Variants in ARHGAP44 observed in about 807,000 individuals in gnomAD.
The protein encoded by ARHGAP44 is Rho GTPase activating protein 44, also known as rho GTPase-activating protein 44.
ARHGAP44 carries 43 observed loss-of-function variants against 106.8 expected under a neutral mutation model. The ratio of observed to expected loss-of-function variants is 0.40; its 90% CI spans 0.32 to 0.52. The LOEUF (loss-of-function observed/expected upper bound fraction) is 0.52, where lower values mean the gene tolerates loss of function less well. ARHGAP44 is among the 20% of genes least tolerant of loss of function. The probability of loss-of-function intolerance (pLI) is 0.48; values close to 1 mark genes in which losing one functional copy is unlikely to be tolerated. For synonymous variants in ARHGAP44, 439 were observed against 410.3 expected (o/e 1.07, Z -0.85); for missense variants, 866 against 1,050.5 (o/e 0.82, Z 2.43).
chr17:12,801,361 A>C (rs1015743426), intron 1 of ARHGAP44, among the ~76,000 whole-genome samples: 2 of 152,228 alleles, frequency 1.3e-5, no homozygotes, highest in Non-Finnish European at 2.9e-5. Context: ...TTATCCTCCC[A>C]ACAACTCTTA....
intron 13 of ARHGAP44, among the ~76,000 whole-genome samples, chr17:12,954,806 T>C (rs1161725057): frequency 6.6e-6 from 1 of 152,202 alleles, no homozygotes; most frequent in Non-Finnish European, 1.5e-5. Flanking sequence ...CTTCATTGTA[T>C]TTGTTTTATT....
intron 1 of ARHGAP44, among the ~76,000 whole-genome samples, chr17:12,807,338 A>G (rs1224919600): frequency 6.6e-6 from 1 of 152,214 alleles, no homozygotes; most frequent in East Asian, 1.9e-4. Context: ...GTGATCACCC[A>G]GCATCCAGAG....
intron 1 of ARHGAP44, among the ~76,000 whole-genome samples, chr17:12,852,569 T>C (rs2035784704): frequency 1.3e-5 from 2 of 149,702 alleles, no homozygotes; most frequent in Admixed American, 1.3e-4. Flanking sequence ...TTTGATGGCA[T>C]CTTGCTCTGT....
chr17:12,973,402 G>A, intron 17 of ARHGAP44, 83 bp downstream of exon 17: 3 of 1,432,844 alleles, frequency 2.1e-6, no homozygotes, highest in Non-Finnish European at 2.9e-6. Context: ...TTCCACCAGA[G>A]GGTGAATGCG....
At chr17:12,812,978 G>A (rs144990338) in intron 1 of ARHGAP44, among the ~76,000 whole-genome samples, 14 of 152,256 alleles carry the variant, frequency 9.2e-5, no homozygotes, top group African/African-American at 3.1e-4. Flanking sequence ...CTCAGCAATG[G>A]CAGGTCCCAT....
At chr17:12,965,344 G>A (rs1268035079) in intron 16 of ARHGAP44, among the ~76,000 whole-genome samples, 3 of 152,170 alleles carry the variant, frequency 2.0e-5, no homozygotes, top group African/African-American at 4.8e-5. Flanking sequence ...ACAGCAACCC[G>A]AATGGTCTAT....
chr17:12,934,362 A>T (rs1274722254), intron 7 of ARHGAP44, among the ~76,000 whole-genome samples: 1 of 152,222 alleles, frequency 6.6e-6, no homozygotes, highest in African/African-American at 2.4e-5. Context: ...TGAAGAGCAC[A>T]TATATTGTTA....
At chr17:12,880,847 A>G (rs1406106414) in intron 1 of ARHGAP44, among the ~76,000 whole-genome samples, 2 of 152,154 alleles carry the variant, frequency 1.3e-5, no homozygotes, top group African/African-American at 2.4e-5. Context: ...AATGCTTTTA[A>G]CAAGTTATCC....
chr17:12,895,177 C>G (rs895685912), intron 2 of ARHGAP44, among the ~76,000 whole-genome samples, 198 bp downstream of exon 2: 1 of 141,666 alleles, frequency 7.1e-6, no homozygotes, highest in Non-Finnish European at 1.6e-5. Context: ...ACCAAAAAAA[C>G]CAAAAAACTA....
At chr17:12,791,618 A>G (rs866494235) in intron 1 of ARHGAP44, among the ~76,000 whole-genome samples, 50 of 152,070 alleles carry the variant, frequency 3.3e-4, no homozygotes, top group African/African-American at 1.1e-3. Context: ...CTGTTTTTAA[A>G]TGGGGGAGAT....
At chr17:12,918,285 C>T (rs955480488) in intron 5 of ARHGAP44, among the ~76,000 whole-genome samples, 5 of 152,162 alleles carry the variant, frequency 3.3e-5, no homozygotes, top group South Asian at 2.1e-4. Context: ...AGTTGTTACA[C>T]GCAGAACATT....
chr17:12,821,767 C>G (rs1021757407), intron 1 of ARHGAP44, among the ~76,000 whole-genome samples: 17 of 152,078 alleles, frequency 1.1e-4, no homozygotes, highest in Admixed American at 2.0e-4. Context: ...ATGTGAATCA[C>G]GGTTTTTAAA....
rs1429713502 is a variant in ARHGAP44 at position 12,981,798 on chromosome 17, C to G, written c.1939+1565C>G. Among the ~76,000 whole-genome samples, 3 of 151,408 alleles carry G rather than the reference C, an allele frequency of 2.0e-5. No individual in the cohort carries two copies. The East Asian group carries it at 6.0e-4, about 30-fold the overall frequency. On this transcript the variant is annotated intron_variant, in intron 19 of 20. Coordinates refer to ENST00000379672, the MANE Select transcript of ARHGAP44 (RefSeq NM_014859.6). ...GGCTGAGATGGGCAGATTGCCTGAG[C>G]TCAGGAGTTTGAGACCAGACTGGAC...
intron 16 of ARHGAP44, among the ~76,000 whole-genome samples, chr17:12,963,649 A>G (rs1321842455): frequency 1.3e-5 from 2 of 152,016 alleles, no homozygotes; most frequent in Non-Finnish European, 2.9e-5. Context: ...GTGTGTGTAG[A>G]CAGGTCGGCC....
At chr17:12,814,173 G>T (rs1049948859) in intron 1 of ARHGAP44, among the ~76,000 whole-genome samples, 11 of 151,356 alleles carry the variant, frequency 7.3e-5, no homozygotes, top group African/African-American at 2.7e-4. Flanking sequence ...TCCTTGGGTG[G>T]TGGGGGGCCT....
At chr17:12,855,244 TAATA>T (rs1234816432) in intron 1 of ARHGAP44, among the ~76,000 whole-genome samples, 1 of 152,000 alleles carries the variant, frequency 6.6e-6, no homozygotes, top group Non-Finnish European at 1.5e-5. Context: ...TCTCTAAAGA[TAATA>T]AATAAATAAA....
rs772220647 is a variant in ARHGAP44, at chr17:12,984,789, G to A, written c.2198G>A (p.Arg733Gln). ...AAATCGCGGCCCACTCCTAAGCCGC[G>A]ACAGAGACCTACTCTGCCGCCTCCT... is the stretch of plus-strand genomic sequence containing the variant. ...LSKSRPTPKPRQRPTLPPPQP... is the reference protein window; with the variant it reads ...LSKSRPTPKPQQRPTLPPPQP... Residue 733 changes from arginine to glutamine, a missense_variant, in exon 20 of 21, where the codon CGA becomes CAA. Coordinates refer to ENST00000379672, the MANE Select transcript of ARHGAP44 (RefSeq NM_014859.6). 3.7e-6 allele frequency: 6 copies of A among 1,613,854 alleles called. No homozygotes were observed. In the Admixed American group the frequency reaches 6.7e-5, roughly 18 times the overall value.
At chr17:12,806,444 A>C (rs1336497939) in intron 1 of ARHGAP44, among the ~76,000 whole-genome samples, 1 of 152,222 alleles carries the variant, frequency 6.6e-6, no homozygotes, top group East Asian at 1.9e-4. Flanking sequence ...TATTATACAA[A>C]CTGGGGCCAT....
At chr17:12,920,244 C>T (rs1371590012) in intron 6 of ARHGAP44, among the ~76,000 whole-genome samples, 5 of 150,390 alleles carry the variant, frequency 3.3e-5, no homozygotes, top group Admixed American at 1.3e-4. Context: ...GGCATGGTGG[C>T]GGGTGCCTGT....
Sources: allele counts gnomAD v4.1 joint callset (sites outside exome capture counted in the v4.1 genomes callset), GRCh38; gene constraint gnomAD v4.1.1; transcripts MANE v1.5; gene names NCBI Gene and HGNC (gene_info 2026-07-23, HGNC 2026-07-21).